The following ALOX5 variants were observed in gnomAD, a reference collection of about 807,000 sequenced individuals.
ALOX5 encodes arachidonate 5-lipoxygenase.
A neutral mutation model predicts 87.9 loss-of-function variants in ALOX5; 64 were observed. That is an observed-to-expected ratio of 0.73 (90% CI 0.60 to 0.90). ALOX5 has a LOEUF of 0.90. Among genes scored for constraint, ALOX5 ranks in the 40% least tolerant of loss-of-function variants. The pLI, the probability that ALOX5 is intolerant of heterozygous loss-of-function variation, is 0.00. For missense variants in ALOX5, 822 were observed against 907.5 expected (o/e 0.91, Z 1.21); for synonymous variants, 388 against 355.1 (o/e 1.09, Z -1.04).
Position 45,445,555 on chromosome 10 carries a change from G to A in ALOX5, c.1893G>A (p.Val631=). The change falls in exon 14 of 14, where the codon GTG becomes GTA. Residue 631 remains valine, a synonymous_variant. Coordinates refer to ENST00000374391, the MANE Select transcript of ALOX5 (RefSeq NM_000698.5). The stretch of plus-strand genomic sequence containing the variant: ...AAGAGCATTTTATCGAGAAGCCTGT[G>A]AAGGAAGCCATGGCCCGATTCCGCA... ...YPEEHFIEKP[V]KEAMARFRKN... 1 of 1,614,196 alleles carries A rather than the reference G, an allele frequency of 6.2e-7. No homozygotes were observed. Among genetic ancestry groups the A allele is most frequent in the South Asian group, 1.1e-5 (1 of 91,080 alleles).
chr10:45,389,024 GC>G (rs766428625), intron 2 of ALOX5, among the ~76,000 whole-genome samples: 3 of 152,192 alleles, frequency 2.0e-5, no homozygotes, highest in Non-Finnish European at 2.9e-5. Context: ...GAAAAACATG[GC>G]ACGAGAACTA....
chr10:45,420,507 G>A (rs1841462749), intron 4 of ALOX5, among the ~76,000 whole-genome samples: 1 of 152,248 alleles, frequency 6.6e-6, no homozygotes, highest in African/African-American at 2.4e-5. Context: ...AGAATCCCCT[G>A]GGGCCCTTGC....
intron 1 of ALOX5, among the ~76,000 whole-genome samples, chr10:45,377,941 C>T (rs1458215719): frequency 6.6e-6 from 1 of 152,150 alleles, no homozygotes; most frequent in African/African-American, 2.4e-5. Flanking sequence ...CAAAGTGGCC[C>T]CTTGTGAAAT....
intron 4 of ALOX5, among the ~76,000 whole-genome samples, chr10:45,412,830 C>G (rs1043258364): frequency 2.0e-5 from 3 of 152,204 alleles, no homozygotes; most frequent in African/African-American, 7.2e-5. Flanking sequence ...AGGCCCCCAG[C>G]TAATAAATGG....
chr10:45,374,871 A>C (rs1839540862), intron 1 of ALOX5, among the ~76,000 whole-genome samples: 1 of 152,116 alleles, frequency 6.6e-6, no homozygotes, highest in Non-Finnish European at 1.5e-5. Context: ...TCATGCTCAC[A>C]GAACTCTGAG....
chr10:45,391,240 G>T (rs540655484), intron 2 of ALOX5, among the ~76,000 whole-genome samples: 1 of 152,024 alleles, frequency 6.6e-6, no homozygotes, highest in African/African-American at 2.4e-5. Flanking sequence ...TTGCAGGTGC[G>T]CACCGCCACG....
intron 2 of ALOX5, among the ~76,000 whole-genome samples, chr10:45,385,401 C>A (rs1430708384): frequency 2.6e-5 from 4 of 152,236 alleles, no homozygotes; most frequent in African/African-American, 9.6e-5. Flanking sequence ...CCCTGCTGAG[C>A]TCTTCTGCCG....
chr10:45,430,074 A>C (rs1490257034), intron 7 of ALOX5, among the ~76,000 whole-genome samples: 1 of 152,190 alleles, frequency 6.6e-6, no homozygotes, highest in Non-Finnish European at 1.5e-5. Flanking sequence ...CTGAAGCAGC[A>C]GGTAAAGGGA....
intron 3 of ALOX5, among the ~76,000 whole-genome samples, chr10:45,405,001 A>G (rs1329363323): frequency 2.6e-5 from 4 of 152,176 alleles, no homozygotes; most frequent in African/African-American, 4.8e-5. Flanking sequence ...TTAAACTGCT[A>G]CTATTTCTTG....
intron 7 of ALOX5, among the ~76,000 whole-genome samples, chr10:45,430,587 G>T (rs1363749510): frequency 6.6e-6 from 1 of 151,502 alleles, no homozygotes; most frequent in Non-Finnish European, 1.5e-5. Flanking sequence ...CCTGTGAATA[G>T]CCACAGCAGT....
intron 3 of ALOX5, among the ~76,000 whole-genome samples, chr10:45,402,086 C>CAA (rs10649706): frequency 0.52 from 52,736 of 100,646 alleles, 13,789 homozygotes; most frequent in East Asian, 0.81. Context: ...GACTCCGTCT[C>CAA]AAAAAAAAAA....
At chr10:45,404,526 T>C (rs1037328624) in intron 3 of ALOX5, among the ~76,000 whole-genome samples, 2 of 152,216 alleles carry the variant, frequency 1.3e-5, no homozygotes, top group African/African-American at 4.8e-5. Context: ...TTAATCGATA[T>C]AATTTAATCT....
At chr10:45,445,291 C>G (rs1163440365) in intron 13 of ALOX5, among the ~76,000 whole-genome samples, 1 of 152,262 alleles carries the variant, frequency 6.6e-6, no homozygotes, top group East Asian at 1.9e-4. Context: ...CATGAAGCCC[C>G]AGCCCTGGAG....
intron 4 of ALOX5, among the ~76,000 whole-genome samples, chr10:45,417,035 C>T (rs1386741968): frequency 6.6e-6 from 1 of 152,108 alleles, no homozygotes; most frequent in East Asian, 1.9e-4. Flanking sequence ...TCATTGTCAT[C>T]TCTGTATCTC....
At chr10:45,391,708 G>T (rs967830749) in intron 2 of ALOX5, among the ~76,000 whole-genome samples, 19 of 151,484 alleles carry the variant, frequency 1.3e-4, no homozygotes. Flanking sequence ...CTGCCCAGCC[G>T]CCCATCATCT....
At chr10:45,433,975 C>A (rs935078948) in intron 7 of ALOX5, among the ~76,000 whole-genome samples, 1 of 152,188 alleles carries the variant, frequency 6.6e-6, no homozygotes, top group Non-Finnish European at 1.5e-5. Context: ...CAGAGGGAAC[C>A]AAACAGCCCA....
intron 3 of ALOX5, among the ~76,000 whole-genome samples, chr10:45,409,794 G>A (rs1054243057): frequency 3.3e-5 from 5 of 152,228 alleles, no homozygotes; most frequent in Non-Finnish European, 7.3e-5. Context: ...GCCTGTCAGG[G>A]TCTCTTAAGC....
At chr10:45,431,491 T>C (rs188500808) in intron 7 of ALOX5, among the ~76,000 whole-genome samples, 43 of 152,118 alleles carry the variant, frequency 2.8e-4, no homozygotes, top group African/African-American at 1.0e-3. Context: ...AAAAAATCAA[T>C]AGCCTTTCTC....
chr10:45,391,292 G>C (rs1294869216), intron 2 of ALOX5, among the ~76,000 whole-genome samples: 1 of 152,152 alleles, frequency 6.6e-6, no homozygotes, highest in Non-Finnish European at 1.5e-5. Flanking sequence ...ACGGGGTTTC[G>C]CTGTGTTGGC....
Sources: allele counts gnomAD v4.1 joint callset (sites outside exome capture counted in the v4.1 genomes callset), GRCh38; gene constraint gnomAD v4.1.1; transcripts MANE v1.5; gene names NCBI Gene and HGNC (gene_info 2026-07-23, HGNC 2026-07-21).